The following TELO2 variants were observed in gnomAD, a reference collection of about 807,000 sequenced individuals.
TELO2 encodes the protein telomere length regulation protein TEL2 homolog.
In TELO2, 71 loss-of-function variants were observed where a neutral mutation model predicts 91.0. That is an observed-to-expected ratio of 0.78 (90% CI 0.64 to 0.95). TELO2 has a LOEUF of 0.95. Ranked by LOEUF, TELO2 falls within the 40% of genes least tolerant of loss-of-function variation. The pLI is 0.00. For missense variants in TELO2, 1,183 were observed against 1,141.3 expected, an observed-to-expected ratio of 1.04 and a Z score of -0.53; for synonymous variants, 584 against 518.9, an observed-to-expected ratio of 1.13 and a Z score of -1.71.
intron 20 of TELO2, among the ~76,000 whole-genome samples, chr16:1,508,840 C>T (rs2040007735): frequency 6.6e-6 from 1 of 152,186 alleles, no homozygotes; most frequent in African/African-American, 2.4e-5. Flanking sequence ...CTTCCCAGGA[C>T]CTGTGCTCAG....
At chr16:1,507,206 C>T in intron 18 of TELO2, 100 bp from the exon 19 acceptor site, 7 of 1,522,888 alleles carry the variant, frequency 4.6e-6, no homozygotes, top group Non-Finnish European at 6.2e-6. Flanking sequence ...GTCAGGCAGG[C>T]CCTGTCCCTG....
chr16:1,507,764 G>GTGTGTGTGTA (rs1173881136), intron 20 of TELO2, 48 bp downstream of exon 20: 2 of 1,385,854 alleles, frequency 1.4e-6, no homozygotes, highest in Non-Finnish European at 1.9e-6. Flanking sequence ...TCGGCCCGGG[G>GTGTGTGTGTA]TGTGTGTGTA....
intron 15 of TELO2, among the ~76,000 whole-genome samples, chr16:1,503,308 T>A (rs1483180929): frequency 2.6e-5 from 4 of 152,076 alleles, no homozygotes; most frequent in African/African-American, 9.7e-5. Context: ...AAAAGAAAAA[T>A]TTGAATCCCA....
chr16:1,504,366 G>A (rs528863133), intron 15 of TELO2, among the ~76,000 whole-genome samples: 8 of 144,902 alleles, frequency 5.5e-5, no homozygotes, highest in East Asian at 4.2e-4. Flanking sequence ...CCTGGGAGGC[G>A]GAGGTTGTGG....
At position 1,497,500 on chromosome 16, in the gene TELO2, C is replaced by T. The variant is rs761385755; in HGVS notation, c.822C>T (p.Ala274=). Residue 274 remains alanine (A), a synonymous_variant, in exon 5 of 21, where the codon GCC becomes GCT. Coordinates refer to ENST00000262319, the MANE Select transcript of TELO2 (RefSeq NM_016111.4). This position sits in a 1 kb window ranked among gnomAD's most constrained non-coding sequence, Gnocchi z 4.0. The part of the protein sequence containing the change: ...MEAVLTGLVE[A]ALGPEVLSRL... Reference sequence around the variant, plus strand: ...CTGTGCTGACCGGGCTGGTGGAGGCCGCACTGGGGTAAGCAGCCAGGCTGT... The same window carrying T: ...CTGTGCTGACCGGGCTGGTGGAGGCTGCACTGGGGTAAGCAGCCAGGCTGT... 3.6e-5 allele frequency: 56 copies of T among 1,565,210 alleles called. No individual in the cohort carries two copies. The highest frequency in any genetic ancestry group is 1.7e-4 in the Middle Eastern group (1 of 6,012).
Position 1,505,768 on chromosome 16 carries a change from A to T in TELO2, c.2034+167A>T, listed in dbSNP as rs1206514215. Among the ~76,000 whole-genome samples the T allele has an allele frequency of 6.6e-6, 1 of 152,126 alleles. No individual in the cohort carries two copies. Among genetic ancestry groups the T allele is most frequent in the African/African-American group, 2.4e-5 (1 of 41,420 alleles). ...GCAGGGTCCATGGTTTGCACCGAGG[A>T]ACTGGATTTTGGCTGTAGGAGACCC... On this transcript the variant is annotated intron_variant, in intron 16 of 20. Transcript: ENST00000262319. This position sits in a 1 kb window ranked among gnomAD's most constrained non-coding sequence, Gnocchi z 4.3.
intron 15 of TELO2, among the ~76,000 whole-genome samples, chr16:1,504,390 C>T (rs2039808691): frequency 8.1e-6 from 1 of 123,134 alleles, no homozygotes; most frequent in Admixed American, 9.2e-5. Context: ...GTCAAGATGG[C>T]GCCACTGCAC....
At chr16:1,506,356 G>T (rs765818160) in intron 17 of TELO2, 27 bp downstream of exon 17, 2 of 1,613,788 alleles carry the variant, frequency 1.2e-6, no homozygotes, top group Non-Finnish European at 1.7e-6. Flanking sequence ...TGGGCCTGTG[G>T]ACTTGGGGGA....
chr16:1,495,745 G>C, intron 3 of TELO2, 122 bp downstream of exon 3: 1 of 1,359,250 alleles, frequency 7.4e-7, no homozygotes, highest in Non-Finnish European at 9.9e-7. Flanking sequence ...CCGTCAGGCA[G>C]GTGGGGATGT....
intron 2 of TELO2, among the ~76,000 whole-genome samples, chr16:1,495,085 T>A (rs997370157): frequency 6.6e-6 from 1 of 152,216 alleles, no homozygotes; most frequent in African/African-American, 2.4e-5. Context: ...CACTGAGTTA[T>A]CCGCGTCAGC....
rs536029320 is a variant in TELO2, at chr16:1,494,051, T to C, written c.-36-195T>C. Among the ~76,000 whole-genome samples, 1 of 151,470 alleles carries C rather than the reference T, an allele frequency of 6.6e-6. No homozygotes were observed. The highest frequency in any genetic ancestry group is 2.4e-5 in the African/African-American group (1 of 41,346). On this transcript the variant is annotated intron_variant, in intron 1 of 20. Transcript: ENST00000262319. The surrounding 1 kb of genome is among the most constrained non-coding windows in gnomAD (Gnocchi z 5.6). ...CCGGGTTGAGAAGCCCTGCAGTGGCTGGTAGCGTTGGGGTCCGAGCGGAGG... is the reference window on the plus strand; with the variant it reads ...CCGGGTTGAGAAGCCCTGCAGTGGCCGGTAGCGTTGGGGTCCGAGCGGAGG...
At chr16:1,506,834 C>A (rs980957213) in intron 17 of TELO2, 118 bp from the exon 18 acceptor site, 7 of 1,434,394 alleles carry the variant, frequency 4.9e-6, no homozygotes, top group Non-Finnish European at 5.5e-6. Flanking sequence ...GCAGGCAAGG[C>A]GGTGGGCACG....
Position 1,510,025 on chromosome 16 carries a change from C to A in TELO2, c.*89C>A. ...GGAGCAGCAGAGCCAGGCTTTGTAG[C>A]GAGGCCAGGTCTTCGGCCGCATCCG... On this transcript the variant is annotated 3_prime_UTR_variant, in exon 21 of 21. Transcript: ENST00000262319. 1.7e-6 allele frequency: 2 copies of A among 1,196,600 alleles called. No individual in the cohort carries two copies. Among genetic ancestry groups the A allele is most frequent in the South Asian group, 1.3e-5 (1 of 74,882 alleles). 74.1% of individuals were successfully genotyped at this position (1,196,600 alleles called of 1,614,324 possible). A position where few individuals can be genotyped will look rare whatever the true frequency, so the allele number is the denominator to read the frequency against.
chr16:1,500,250 G>A, intron 7 of TELO2, 86 bp downstream of exon 7: 1 of 1,530,916 alleles, frequency 6.5e-7, no homozygotes, highest in Non-Finnish European at 8.8e-7. Flanking sequence ...GGGTGAGGCT[G>A]GCTGGGCTGG....
Position 1,494,215 on chromosome 16 carries a change from C to T in TELO2, c.-36-31C>T, listed in dbSNP as rs1486116416. ...TGAGCTTGTGTGGATTATTTCCGTG[C>T]CCCAAGCTGAGCCCTGTGTCCATGT... On this transcript the variant is annotated intron_variant, in intron 1 of 20. Coordinates refer to ENST00000262319, the MANE Select transcript of TELO2 (RefSeq NM_016111.4). The surrounding 1 kb of genome is among the most constrained non-coding windows in gnomAD (Gnocchi z 5.6). The T allele has an allele frequency of 4.1e-6, 6 of 1,478,418 alleles. No homozygotes were observed. The highest frequency in any genetic ancestry group is 5.6e-6 in the Non-Finnish European group (6 of 1,080,238). 91.6% of individuals were successfully genotyped at this position (1,478,418 alleles called of 1,614,324 possible).
At chr16:1,495,309 G>C (rs1343336700) in intron 2 of TELO2, 37 bp from the exon 3 acceptor site, 3 of 1,505,878 alleles carry the variant, frequency 2.0e-6, no homozygotes, top group Non-Finnish European at 2.7e-6. Flanking sequence ...CCGAGGATGG[G>C]GGTTGGCGGC....
chr16:1,499,007 G>A lies in TELO2; in HGVS notation c.831-224G>A, dbSNP rs139484579. On this transcript the variant is annotated intron_variant, in intron 5 of 20. Transcript: ENST00000262319. ...GGCTGTCGGGGGTGGACCCGCCTCC[G>A]CCCGGGCTGCGGTGCACGCGCTCTC... Among the ~76,000 whole-genome samples, 1,393 of 152,318 alleles carry A rather than the reference G, an allele frequency of 9.1e-3. 8 individuals carry two copies. Among genetic ancestry groups the A allele is most frequent in the Non-Finnish European group, 0.014 (935 of 68,032 alleles).
Position 1,494,356 on chromosome 16 carries a change from C to T in TELO2, c.75C>T (p.Gly25=), listed in dbSNP as rs9934280. ...AIHALSSSED[G]GHIFCTLESL... ...ATGCCCTCTCGTCTTCGGAGGATGG[C>T]GGCCACATCTTCTGCACCCTGGAGT... is the stretch of plus-strand genomic sequence containing the variant. The change falls in exon 2 of 21, where the codon GGC becomes GGT. Residue 25 remains glycine (G), a synonymous_variant. Coordinates refer to ENST00000262319, the MANE Select transcript of TELO2 (RefSeq NM_016111.4). This position sits in a 1 kb window ranked among gnomAD's most constrained non-coding sequence, Gnocchi z 5.6. The T allele has an allele frequency of 3.3e-3, 5,383 of 1,613,540 alleles. 173 individuals carry two copies. The African/African-American group carries it at 0.064, about 19-fold the overall frequency.
chr16:1,496,911 C>T (rs754994381), intron 3 of TELO2, 125 bp from the exon 4 acceptor site: 31 of 878,502 alleles, frequency 3.5e-5, no homozygotes, highest in Admixed American at 4.4e-5. Context: ...GGGCACCAGC[C>T]GTTGTTTTGA....
Sources: gnomAD v4.1 joint callset for allele counts (sites outside exome capture counted in the v4.1 genomes callset) on GRCh38, gnomAD v4.1.1 for gene constraint, Gnocchi (gnomAD v3.1) non-coding constraint, MANE v1.5 for transcripts, NCBI Gene and HGNC (gene_info 2026-07-23, HGNC 2026-07-21) for gene names.